TRIM64B: variants seen among roughly 807,000 people sequenced by gnomAD.
TRIM64B encodes tripartite motif-containing protein 64B.
For missense variants in TRIM64B, 57 were observed against 536.4 expected (o/e 0.11, Z 8.83); for synonymous variants, 17 against 190.3 (o/e 0.09, Z 7.50).
upstream of TRIM64B, among the ~76,000 whole-genome samples, chr11:89,877,504 C>A (rs1380006899): frequency 6.8e-6 from 1 of 147,530 alleles, no homozygotes; most frequent in South Asian, 2.2e-4. Context: ...GAAGCATGGC[C>A]GCCAATTCAC....
At chr11:89,873,685 G>C (rs1950134963) in intron 3 of TRIM64B, among the ~76,000 whole-genome samples, 1 of 67,638 alleles carries the variant, frequency 1.5e-5, no homozygotes, top group South Asian at 5.6e-4. Context: ...ACCCCTCAAT[G>C]TCTTCAGCAA....
Position 89,873,277 on chromosome 11 carries a change from A to G in TRIM64B, c.749T>C (p.Val250Ala), listed in dbSNP as rs145567554. The G allele has an allele frequency of 3.5e-3, 5,474 of 1,550,092 alleles. 169 individuals are homozygous for G. In the East Asian group the frequency reaches 0.063, roughly 18 times the overall value. The change falls in exon 4 of 6, where the codon GTA (valine) becomes GCA (alanine). Residue 250 changes from valine to alanine, a missense_variant. Val to Ala is a moderately conservative substitution (Grantham distance 64). Coordinates refer to ENST00000329862, the Ensembl canonical transcript of TRIM64B. The stretch of plus-strand genomic sequence containing the variant: ...TTTAGTGTAAACTCACCTTGCTGAT[A>G]CATTTCTCACATCCTGCAAAAAAAT...
upstream of TRIM64B, among the ~76,000 whole-genome samples, chr11:89,878,001 A>G (rs1174181970): frequency 2.0e-5 from 3 of 148,318 alleles, no homozygotes; most frequent in African/African-American, 7.3e-5. Flanking sequence ...GACCTTTGCA[A>G]CAAGAATTTT....
chr11:89,878,289 C>T (rs1950177739), upstream of TRIM64B, among the ~76,000 whole-genome samples: 1 of 131,036 alleles, frequency 7.6e-6, no homozygotes, highest in African/African-American at 2.9e-5. Flanking sequence ...TTAGAAAAGA[C>T]CCAAGCATGC....
chr11:89,877,447 A>G (rs1452202757), upstream of TRIM64B, among the ~76,000 whole-genome samples: 1 of 142,164 alleles, frequency 7.0e-6, no homozygotes, highest in Non-Finnish European at 1.6e-5. Flanking sequence ...GAAGATATGT[A>G]TTAGGTTTTC....
chr11:89,876,670 C>T (rs376864075), upstream of TRIM64B, among the ~76,000 whole-genome samples: 1 of 146,974 alleles, frequency 6.8e-6, no homozygotes. Flanking sequence ...TGCAGTGAGC[C>T]GAGATCGCAC....
At chr11:89,871,351 A>G (rs1273642966) in intron 5 of TRIM64B, among the ~76,000 whole-genome samples, 74 of 152,316 alleles carry the variant, frequency 4.9e-4, no homozygotes, top group African/African-American at 1.5e-3. Flanking sequence ...GGAAATAATG[A>G]TTTAATGTCT....
Sources: gnomAD v4.1 joint callset for allele counts (sites outside exome capture counted in the v4.1 genomes callset) on GRCh38, gnomAD v4.1.1 for gene constraint, MANE v1.5 for transcripts, NCBI Gene and HGNC (gene_info 2026-07-23, HGNC 2026-07-21) for gene names.